CPE: variants seen among roughly 807,000 people sequenced by gnomAD.
CPE encodes the protein carbocypeptidase E.
In CPE, 17 loss-of-function variants were observed where a neutral mutation model predicts 53.5. The observed-to-expected ratio is 0.32, with a 90% CI of 0.22 to 0.48. The LOEUF (loss-of-function observed/expected upper bound fraction) is 0.48. Ranked by LOEUF, CPE falls within the 20% of genes least tolerant of loss-of-function variation. CPE has a pLI of 0.99. For missense variants in CPE, 524 were observed against 614.7 expected, an observed-to-expected ratio of 0.85 and a Z score of 1.56; for synonymous variants, 226 against 228.8, an observed-to-expected ratio of 0.99 and a Z score of 0.11.
intron 1 of CPE, among the ~76,000 whole-genome samples, chr4:165,460,094 C>A (rs988459750): frequency 7.2e-4 from 109 of 152,118 alleles, no homozygotes; most frequent in African/African-American, 2.3e-3. Context: ...CAGCCGGATC[C>A]ACATACCTGG....
Position 165,412,955 on chromosome 4 carries a change from C to T in CPE, c.307+33427C>T, listed in dbSNP as rs1336548461. 3.3e-5 allele frequency among the ~76,000 whole-genome samples: 5 copies of T among 152,236 alleles called. No homozygotes were observed. The East Asian group carries it at 9.6e-4, about 29-fold the overall frequency. On this transcript the variant is annotated intron_variant, in intron 1 of 8. Transcript: ENST00000402744. ...CTGCTTAATTCCCTGCAGGTGCTCACTGTTACACCTAGAATCAAACCCAGA... is the reference window on the plus strand; with the variant it reads ...CTGCTTAATTCCCTGCAGGTGCTCATTGTTACACCTAGAATCAAACCCAGA...
chr4:165,495,911 A>C (rs1732698356), intron 8 of CPE, among the ~76,000 whole-genome samples: 1 of 152,230 alleles, frequency 6.6e-6, no homozygotes, highest in Non-Finnish European at 1.5e-5. Flanking sequence ...AACTTTAAAA[A>C]ATTAAATTTT....
intron 1 of CPE, among the ~76,000 whole-genome samples, chr4:165,403,069 C>A (rs1404900207): frequency 6.6e-6 from 1 of 152,068 alleles, no homozygotes; most frequent in Non-Finnish European, 1.5e-5. Context: ...GCAGGCACAC[C>A]AAATTTGAAC....
At position 165,464,529 on chromosome 4, in the gene CPE, C is replaced by A; in HGVS notation, c.447C>A (p.Thr149=). 1 of 1,613,616 alleles carries A rather than the reference C, an allele frequency of 6.2e-7. No homozygotes were observed. The highest frequency in any genetic ancestry group is 8.5e-7 in the Non-Finnish European group (1 of 1,179,772). ...NETIVNLIHS[T]RIHIMPSLNP... Reference sequence around the variant, plus strand: ...CAATTGTCAACCTGATCCACAGTACCCGCATTCACATCATGCCTTCCCTGA... The same window carrying A: ...CAATTGTCAACCTGATCCACAGTACACGCATTCACATCATGCCTTCCCTGA... Residue 149 remains threonine (T), a synonymous_variant, in exon 2 of 9, where the codon ACC becomes ACA. Coordinates refer to ENST00000402744, the MANE Select transcript of CPE (RefSeq NM_001873.4).
At chr4:165,456,411 G>A (rs1731902063) in intron 1 of CPE, among the ~76,000 whole-genome samples, 1 of 152,096 alleles carries the variant, frequency 6.6e-6, no homozygotes, top group Non-Finnish European at 1.5e-5. Flanking sequence ...TTAATACAAG[G>A]TAAAAAAGCC....
rs1406874413 is a variant in CPE at position 165,442,680 on chromosome 4, C to T, written c.308-21710C>T. 8.5e-5 allele frequency among the ~76,000 whole-genome samples: 13 copies of T among 152,214 alleles called. 1 individual carries two copies. Among genetic ancestry groups the T allele is most frequent in the East Asian group, 5.8e-4 (3 of 5,172 alleles). ...TTTCAAGTGCTCAAATGTTATTTCC[C>T]GGGACAGTACAGAGAGAGAAAATTG... On this transcript the variant is annotated intron_variant, in intron 1 of 8. Transcript: ENST00000402744.
intron 1 of CPE, among the ~76,000 whole-genome samples, chr4:165,411,523 A>G (rs1466480048): frequency 6.6e-6 from 1 of 152,094 alleles, no homozygotes; most frequent in African/African-American, 2.4e-5. Flanking sequence ...AGCCTTTATC[A>G]ATGAATGCTT....
intron 3 of CPE, among the ~76,000 whole-genome samples, chr4:165,469,956 C>T (rs928156920): frequency 6.6e-6 from 1 of 152,290 alleles, no homozygotes; most frequent in Non-Finnish European, 1.5e-5. Context: ...CTTTTAAAAA[C>T]TCTCCTGCCT....
rs374499939 is a variant in CPE, at chr4:165,441,510, G to A, written c.308-22880G>A. The stretch of plus-strand genomic sequence containing the variant: ...TCTCTCAAGCCAGCTTCATAGACTC[G>A]CTAACCTTATTTTACAAGTAGCATT... On this transcript the variant is annotated intron_variant, in intron 1 of 8. Coordinates refer to ENST00000402744, the MANE Select transcript of CPE (RefSeq NM_001873.4). Among the ~76,000 whole-genome samples, 14 of 152,158 alleles carry A rather than the reference G, an allele frequency of 9.2e-5. No individual in the cohort carries two copies. The East Asian group carries it at 2.1e-3, about 23-fold the overall frequency.
intron 1 of CPE, among the ~76,000 whole-genome samples, chr4:165,388,312 G>T (rs1730630657): frequency 6.6e-6 from 1 of 152,050 alleles, no homozygotes. Flanking sequence ...TAGCCAAGTG[G>T]TAATTTCTAA....
chr4:165,430,625 G>A (rs1296064472), intron 1 of CPE, among the ~76,000 whole-genome samples: 2 of 150,822 alleles, frequency 1.3e-5, no homozygotes, highest in Non-Finnish European at 3.0e-5. Context: ...GTTGGAATTT[G>A]AAAAAATATA....
chr4:165,438,114 T>G (rs1416723497), intron 1 of CPE, among the ~76,000 whole-genome samples: 1 of 152,086 alleles, frequency 6.6e-6, no homozygotes, highest in Non-Finnish European at 1.5e-5. Context: ...GATGAATATT[T>G]TAGAAAAATC....
In CPE at chr4:165,497,572, G is replaced by A; in HGVS notation, c.1393G>A (p.Glu465Lys). Residue 465 changes from glutamate (E) to lysine (K), a missense_variant, in exon 9 of 9, where the codon GAA (glutamate) becomes AAA (lysine). Physicochemically the swap from Glu to Lys is moderately conservative, Grantham distance 56 (BLOSUM62 1). Transcript: ENST00000402744. ...RKEEEKEELM[E>K]WWKMMSETLN... Reference sequence around the variant, plus strand: ...AGAAGAGGAGAAGGAAGAATTGATGGAATGGTGGAAAATGATGTCAGAAAC... The same window carrying A: ...AGAAGAGGAGAAGGAAGAATTGATGAAATGGTGGAAAATGATGTCAGAAAC... The A allele has an allele frequency of 1.3e-6, 2 of 1,576,422 alleles. No individual in the cohort carries two copies. Among genetic ancestry groups the A allele is most frequent in the South Asian group, 2.4e-5 (2 of 82,240 alleles).
intron 1 of CPE, among the ~76,000 whole-genome samples, chr4:165,455,916 G>T (rs1731894131): frequency 6.6e-6 from 1 of 152,200 alleles, no homozygotes; most frequent in African/African-American, 2.4e-5. Flanking sequence ...GCCTCCCAAA[G>T]TGCTGGGATT....
At chr4:165,472,325 T>C (rs574181775) in intron 3 of CPE, among the ~76,000 whole-genome samples, 10 of 152,222 alleles carry the variant, frequency 6.6e-5, no homozygotes, top group Non-Finnish European at 1.2e-4. Flanking sequence ...TATAGCTGAT[T>C]ATAAAGGCCA....
rs890458718 is a variant in CPE, at chr4:165,491,034, G to A, written c.1114-2137G>A. On this transcript the variant is annotated intron_variant, in intron 6 of 8. Transcript: ENST00000402744. ...CTGAATTCATGGGGGAGTTGACACAGCCCATACACTTCTACTGAGATTTAT... is the reference window on the plus strand; with the variant it reads ...CTGAATTCATGGGGGAGTTGACACAACCCATACACTTCTACTGAGATTTAT... Among the ~76,000 whole-genome samples the A allele has an allele frequency of 2.0e-5, 3 of 152,156 alleles. No homozygotes were observed. The East Asian group carries it at 5.8e-4, about 29-fold the overall frequency.
intron 1 of CPE, among the ~76,000 whole-genome samples, chr4:165,411,547 C>G (rs1367649717): frequency 6.6e-6 from 1 of 152,186 alleles, no homozygotes; most frequent in African/African-American, 2.4e-5. Flanking sequence ...CTCCTTTTCA[C>G]TCTCCATTGA....
At chr4:165,464,369 T>A (rs778476079) in intron 1 of CPE, 21 bp from the exon 2 acceptor site, 1 of 1,564,474 alleles carries the variant, frequency 6.4e-7, no homozygotes, top group South Asian at 1.2e-5. Flanking sequence ...AACATCTCCA[T>A]GCTATCTATT....
rs749907335 is a variant in CPE, at chr4:165,404,520, C to T, written c.307+24992C>T. On this transcript the variant is annotated intron_variant, in intron 1 of 8. Coordinates refer to ENST00000402744, the MANE Select transcript of CPE (RefSeq NM_001873.4). ...TATGTCAGTAGTTCTGGGTTTCCAC[C>T]TCCAAACTGCTCCCCAAAGGCTTTG... is the stretch of plus-strand genomic sequence containing the variant. The T allele has an allele frequency of 3.6e-6, 3 of 842,976 alleles. No homozygotes were observed. The Admixed American group carries it at 5.1e-5, about 14-fold the overall frequency. The allele number at this position is 842,976 out of a possible 1,614,324, so 52.2% of individuals were successfully genotyped here. A position where few individuals can be genotyped will look rare whatever the true frequency, so the allele number is the denominator to read the frequency against.
Sources: allele counts gnomAD v4.1 joint callset (sites outside exome capture counted in the v4.1 genomes callset), GRCh38; gene constraint gnomAD v4.1.1; transcripts MANE v1.5; gene names NCBI Gene and HGNC (gene_info 2026-07-23, HGNC 2026-07-21).